Variants in AMER3 observed in about 807,000 individuals in gnomAD.
The protein encoded by AMER3 is APC membrane recruitment protein 3.
For missense variants in AMER3, 1,201 were observed against 1,139.4 expected (o/e 1.05, Z -0.78); for synonymous variants, 541 against 485.5 (o/e 1.11, Z -1.50).
chr2:130,755,559 C>A lies in AMER3; in HGVS notation c.-135C>A, dbSNP rs940225166. 1 of 152,668 alleles carries A rather than the reference C, an allele frequency of 6.6e-6. No homozygotes were observed. The highest frequency in any genetic ancestry group is 6.5e-5 in the Admixed American group (1 of 15,280). The allele number at this position is 152,668 out of a possible 1,614,324, so 9.5% of individuals were successfully genotyped here. A position where few individuals can be genotyped will look rare whatever the true frequency, so the allele number is the denominator to read the frequency against. On this transcript the variant is annotated 5_prime_UTR_variant, in exon 1 of 2. Coordinates refer to ENST00000321420, the MANE Select transcript of AMER3 (RefSeq NM_152698.3). The stretch of plus-strand genomic sequence containing the variant: ...TTACTTAATCCACCCCAGCCCCAGG[C>A]ACTGAACCACGCGTGCAGACCCCTC...
rs928922467 is a variant in AMER3 at position 130,767,863 on chromosome 2, C to T, written c.*3205C>T. The T allele has an allele frequency of 6.0e-6, 1 of 167,182 alleles. No individual in the cohort carries two copies. Among genetic ancestry groups the T allele is most frequent in the African/African-American group, 2.4e-5 (1 of 41,442 alleles). The allele number at this position is 167,182 out of a possible 1,614,324, so 10.4% of individuals were successfully genotyped here. ...GTGTGTGAGGTGATGGGTTTTGTCCCGTCCCAGCTCCAAAGGCCCTGCTCT... is the reference window on the plus strand; with the variant it reads ...GTGTGTGAGGTGATGGGTTTTGTCCTGTCCCAGCTCCAAAGGCCCTGCTCT... On this transcript the variant is annotated 3_prime_UTR_variant, in exon 2 of 2. Coordinates refer to ENST00000321420, the MANE Select transcript of AMER3 (RefSeq NM_152698.3).
chr2:130,756,245 T>A (rs1442612238), intron 1 of AMER3: 2 of 147,600 alleles, frequency 1.4e-5, no homozygotes, highest in African/African-American at 4.9e-5. Context: ...GGTGGGTGGG[T>A]GCGGGCGCCG....
In AMER3 at chr2:130,764,540, G is replaced by T. The variant is rs199770925; in HGVS notation, c.2468G>T (p.Gly823Val). ...CTCACTTTGAACAGCCAGCAGGAAG[G>T]GGGGGTCTCTGCAAGTGCCCCAGAA... is the stretch of plus-strand genomic sequence containing the variant. ...LGLTLNSQQE[G>V]GVSASAPECR... The change falls in exon 2 of 2, where the codon GGG (glycine) becomes GTG (valine). Residue 823 changes from glycine to valine, a missense_variant. Coordinates refer to ENST00000321420, the MANE Select transcript of AMER3 (RefSeq NM_152698.3). 1.2e-5 allele frequency: 19 copies of T among 1,604,116 alleles called. No homozygotes were observed. The East Asian group carries it at 3.1e-4, about 26-fold the overall frequency.
Position 130,765,399 on chromosome 2 carries a change from C to T in AMER3, c.*741C>T, listed in dbSNP as rs983126398. 6.0e-6 allele frequency: 1 copy of T among 167,034 alleles called. No individual in the cohort carries two copies. The highest frequency in any genetic ancestry group is 2.4e-5 in the African/African-American group (1 of 41,454). 10.3% of individuals were successfully genotyped at this position (167,034 alleles called of 1,614,324 possible). On this transcript the variant is annotated 3_prime_UTR_variant, in exon 2 of 2. Transcript: ENST00000321420. ...GTAATTGTGTGCACCTCGCTTTATA[C>T]TTGCAGTCATATCATGACCAACAAC...
rs1905235 is a variant in AMER3, at chr2:130,763,090, T to C, written c.1018T>C (p.Ser340Pro). ...SGPQGTDRDQ[S>P]RLDTAGLAEL... ...CCCCCAGGGGACAGACAGGGACCAATCCCGGCTGGACACAGCTGGGCTCGC... is the reference window on the plus strand; with the variant it reads ...CCCCCAGGGGACAGACAGGGACCAACCCCGGCTGGACACAGCTGGGCTCGC... Residue 340 changes from serine to proline, a missense_variant, in exon 2 of 2, where the codon TCC becomes CCC. Transcript: ENST00000321420. 1,568,183 of 1,613,338 alleles carry C rather than the reference T, an allele frequency of 0.97. 762,302 individuals carry two copies. Among genetic ancestry groups the C allele is most frequent in the East Asian group, 1 (44,853 of 44,854 alleles).
chr2:130,763,751 G>A lies in AMER3; in HGVS notation c.1679G>A (p.Cys560Tyr), dbSNP rs145763885. ...TCAGATGCAGGGGGGGCGACAGTTT[G>A]CTCAGCACCCAGCAGGCAGGAGCTG... ...LASDAGGATV[C>Y]SAPSRQELWA... Residue 560 changes from cysteine (C) to tyrosine (Y), a missense_variant, in exon 2 of 2, where the codon TGC becomes TAC. By Grantham distance (194) the Cys-to-Tyr change is radical. Coordinates refer to ENST00000321420, the MANE Select transcript of AMER3 (RefSeq NM_152698.3). 7 of 1,593,630 alleles carry A rather than the reference G, an allele frequency of 4.4e-6. No homozygotes were observed. In the African/African-American group the frequency reaches 9.4e-5, roughly 21 times the overall value.
chr2:130,755,790 C>T (rs1017591255), intron 1 of AMER3, 116 bp downstream of exon 1: 4 of 152,300 alleles, frequency 2.6e-5, no homozygotes, highest in Non-Finnish European at 5.9e-5. Context: ...TCTTGCAGGC[C>T]CGCTCCGAAC....
In AMER3 at chr2:130,762,775, T is replaced by A. The variant is rs578046152; in HGVS notation, c.703T>A (p.Cys235Ser). 3 of 1,611,226 alleles carry A rather than the reference T, an allele frequency of 1.9e-6. No individual in the cohort carries two copies. The South Asian group carries it at 3.3e-5, about 18-fold the overall frequency. ...ATCCTTTGGTCTCTGCAGGGCCCTGTGTGAGGACGTGGCCTCACTCCAGAG... is the reference window on the plus strand; with the variant it reads ...ATCCTTTGGTCTCTGCAGGGCCCTGAGTGAGGACGTGGCCTCACTCCAGAG... ...DASFGLCRAL[C>S]EDVASLQSFD... The change falls in exon 2 of 2, where the codon TGT becomes AGT. Residue 235 changes from cysteine to serine, a missense_variant. Physicochemically the swap from Cys to Ser is moderately radical, Grantham distance 112. Coordinates refer to ENST00000321420, the MANE Select transcript of AMER3 (RefSeq NM_152698.3).
rs934602494 is a variant in AMER3, at chr2:130,755,628, C to G, written c.-66C>G. On this transcript the variant is annotated 5_prime_UTR_variant, in exon 1 of 2. Transcript: ENST00000321420. ...ACAGAGTCCCCACAGCATTTCTGCTCCTCCCTCAAGACTGCGGCAGAGCAC... is the reference window on the plus strand; with the variant it reads ...ACAGAGTCCCCACAGCATTTCTGCTGCTCCCTCAAGACTGCGGCAGAGCAC... The G allele has an allele frequency of 6.5e-6, 1 of 152,880 alleles. No homozygotes were observed. The highest frequency in any genetic ancestry group is 1.5e-5 in the Non-Finnish European group (1 of 68,484). The allele number at this position is 152,880 out of a possible 1,614,324, so 9.5% of individuals were successfully genotyped here.
At chr2:130,758,774 G>A (rs1265320990) in intron 1 of AMER3, among the ~76,000 whole-genome samples, 3 of 152,228 alleles carry the variant, frequency 2.0e-5, no homozygotes, top group Non-Finnish European at 4.4e-5. Flanking sequence ...TGTGGCACTT[G>A]TGGGAGTGGA....
Position 130,763,070 on chromosome 2 carries a change from A to C in AMER3, c.998A>C (p.Gln333Pro). Residue 333 changes from glutamine (Q) to proline (P), a missense_variant, in exon 2 of 2, where the codon CAG (glutamine) becomes CCG (proline). Physicochemically the swap from Gln to Pro is moderately conservative, Grantham distance 76. Coordinates refer to ENST00000321420, the MANE Select transcript of AMER3 (RefSeq NM_152698.3). ...ALLGPWLSGP[Q>P]GTDRDQSRLD... Reference sequence around the variant, plus strand: ...CTAGGCCCGTGGCTTTCAGGCCCCCAGGGGACAGACAGGGACCAATCCCGG... The same window carrying C: ...CTAGGCCCGTGGCTTTCAGGCCCCCCGGGGACAGACAGGGACCAATCCCGG... 6.2e-7 allele frequency: 1 copy of C among 1,613,364 alleles called. No homozygotes were observed. Among genetic ancestry groups the C allele is most frequent in the African/African-American group, 1.3e-5 (1 of 75,026 alleles).
chr2:130,758,378 G>A (rs1678673885), intron 1 of AMER3, among the ~76,000 whole-genome samples: 4 of 147,444 alleles, frequency 2.7e-5, no homozygotes, highest in African/African-American at 7.5e-5. Context: ...AAGAAGGAAA[G>A]AGAGAGAGAG....
At chr2:130,756,247 C>G (rs1230061003) in intron 1 of AMER3, 1 of 148,130 alleles carries the variant, frequency 6.8e-6, no homozygotes, top group Non-Finnish European at 1.5e-5. Context: ...TGGGTGGGTG[C>G]GGGCGCCGGG....
At chr2:130,756,083 G>A (rs1389376799) in intron 1 of AMER3, among the ~76,000 whole-genome samples, 4 of 151,268 alleles carry the variant, frequency 2.6e-5, no homozygotes, top group East Asian at 1.9e-4. Context: ...CCCGAGCGGC[G>A]GCGCAGGGAG....
intron 1 of AMER3, among the ~76,000 whole-genome samples, chr2:130,757,989 C>G (rs761746078): frequency 6.6e-6 from 1 of 152,104 alleles, no homozygotes; most frequent in Non-Finnish European, 1.5e-5. Context: ...AAAAAATTAG[C>G]CGGGCATGGT....
At position 130,763,470 on chromosome 2, in the gene AMER3, C is replaced by T. The variant is rs536472514; in HGVS notation, c.1398C>T (p.Ala466=). The T allele has an allele frequency of 2.2e-5, 35 of 1,612,426 alleles. No homozygotes were observed. The highest frequency in any genetic ancestry group is 1.1e-4 in the East Asian group (5 of 44,860). The change falls in exon 2 of 2, where the codon GCC becomes GCT. Residue 466 remains alanine (A), a synonymous_variant. Coordinates refer to ENST00000321420, the MANE Select transcript of AMER3 (RefSeq NM_152698.3). Reference sequence around the variant, plus strand: ...CCATATGCAGCTTCCGAGTGGGGGCCGAGGAGAACTTGGCCCCAGCACCAG... The same window carrying T: ...CCATATGCAGCTTCCGAGTGGGGGCTGAGGAGAACTTGGCCCCAGCACCAG... The part of the protein sequence containing the change: ...PLSICSFRVG[A]EENLAPAPGP...
At position 130,763,994 on chromosome 2, in the gene AMER3, C is replaced by T; in HGVS notation, c.1922C>T (p.Ser641Phe). Residue 641 changes from serine (S) to phenylalanine (F), a missense_variant, in exon 2 of 2, where the codon TCC becomes TTC. By Grantham distance (155) the Ser-to-Phe change is radical. Transcript: ENST00000321420. ...CCAGTTCCTTCTACCTGGCCCTGCTCCCAGAAGGAGCCTGGGCCACCAGGG... is the reference window on the plus strand; with the variant it reads ...CCAGTTCCTTCTACCTGGCCCTGCTTCCAGAAGGAGCCTGGGCCACCAGGG... ...KAPVPSTWPC[S>F]QKEPGPPGVL... is the part of the protein sequence containing the mutation. The T allele has an allele frequency of 1.2e-6, 2 of 1,613,430 alleles. No homozygotes were observed. Among genetic ancestry groups the T allele is most frequent in the South Asian group, 1.1e-5 (1 of 91,050 alleles).
rs1301835084 is a variant in AMER3, at chr2:130,763,715, A to G, written c.1643A>G (p.Glu548Gly). ...RAPTEKLGGR[E>G]GLASDAGGAT... ...CCCACAGAGAAGCTGGGGGGCAGGG[A>G]GGGCCTGGCCTCAGATGCAGGGGGG... The change falls in exon 2 of 2, where the codon GAG (glutamate) becomes GGG (glycine). Residue 548 changes from glutamate (E) to glycine (G), a missense_variant. Transcript: ENST00000321420. 1 of 1,561,224 alleles carries G rather than the reference A, an allele frequency of 6.4e-7. No individual in the cohort carries two copies.
Position 130,763,673 on chromosome 2 carries a change from A to G in AMER3, c.1601A>G (p.Gln534Arg). Residue 534 changes from glutamine to arginine, a missense_variant, in exon 2 of 2, where the codon CAG (glutamine) becomes CGG (arginine). Coordinates refer to ENST00000321420, the MANE Select transcript of AMER3 (RefSeq NM_152698.3). ...CAGCCTGCAGCTCCACCTGGTTCCC[A>G]GGGAGCCCCTAGGGCACCCACAGAG... Reference protein sequence around the residue: ...PGQPAAPPGSQGAPRAPTEKL... With the variant: ...PGQPAAPPGSRGAPRAPTEKL... The G allele has an allele frequency of 1.4e-5, 21 of 1,511,856 alleles. No homozygotes were observed. The highest frequency in any genetic ancestry group is 1.9e-5 in the Non-Finnish European group (21 of 1,132,150). 93.7% of individuals were successfully genotyped at this position (1,511,856 alleles called of 1,614,324 possible).
Sources: gnomAD v4.1 joint callset for allele counts (sites outside exome capture counted in the v4.1 genomes callset) on GRCh38, gnomAD v4.1.1 for gene constraint, MANE v1.5 for transcripts, NCBI Gene and HGNC (gene_info 2026-07-23, HGNC 2026-07-21) for gene names.